Variants in VAV3 observed in about 807,000 individuals in gnomAD.
VAV3 encodes the protein vav guanine nucleotide exchange factor 3, also known as guanine nucleotide exchange factor VAV3.
In VAV3, 94 loss-of-function variants were observed where a neutral mutation model predicts 131.2. The ratio of observed to expected loss-of-function variants is 0.72; its 90% CI spans 0.61 to 0.85. The LOEUF is 0.85. Among genes scored for constraint, VAV3 ranks in the 40% least tolerant of loss-of-function variants. The probability of loss-of-function intolerance (pLI) is 0.00; values close to 1 mark genes in which losing one functional copy is unlikely to be tolerated. For synonymous variants in VAV3, 349 were observed against 342.0 expected (o/e 1.02, Z -0.22); for missense variants, 939 against 1,002.7 (o/e 0.94, Z 0.86).
At chr1:107,752,723 G>A (rs1004516469) in intron 12 of VAV3, among the ~76,000 whole-genome samples, 2 of 152,130 alleles carry the variant, frequency 1.3e-5, no homozygotes, top group Admixed American at 1.3e-4. Context: ...TAGTCATTAA[G>A]AAAATGCAAA....
intron 2 of VAV3, among the ~76,000 whole-genome samples, chr1:107,860,588 C>T (rs1557887079): frequency 6.6e-6 from 1 of 151,678 alleles, no homozygotes; most frequent in Non-Finnish European, 1.5e-5. Context: ...CTTTAAATGG[C>T]TTCTATTCTC....
At chr1:107,608,213 A>G (rs934816895) in intron 22 of VAV3, among the ~76,000 whole-genome samples, 1 of 152,174 alleles carries the variant, frequency 6.6e-6, no homozygotes, top group African/African-American at 2.4e-5. Context: ...TTTTAAAACT[A>G]AGGGTACAAA....
intron 12 of VAV3, among the ~76,000 whole-genome samples, chr1:107,752,683 C>T (rs566048885): frequency 2.6e-5 from 4 of 152,192 alleles, no homozygotes; most frequent in African/African-American, 9.6e-5. Flanking sequence ...AAATGGCCAG[C>T]AAACACACAA....
intron 1 of VAV3, among the ~76,000 whole-genome samples, chr1:107,959,573 T>C (rs1674981233): frequency 6.6e-6 from 1 of 152,184 alleles, no homozygotes; most frequent in Non-Finnish European, 1.5e-5. Context: ...GTTTCCCTCC[T>C]ACCTCATGGC....
chr1:107,752,390 T>C (rs1663791889), intron 12 of VAV3, among the ~76,000 whole-genome samples: 1 of 152,218 alleles, frequency 6.6e-6, no homozygotes. Flanking sequence ...ATAAAACTTT[T>C]ACAAGAAAAT....
chr1:107,807,359 G>A (rs1220005069), intron 2 of VAV3, among the ~76,000 whole-genome samples: 2 of 152,120 alleles, frequency 1.3e-5, no homozygotes, highest in African/African-American at 4.8e-5. Context: ...CCCTTATATA[G>A]TAGAAAATGT....
chr1:107,900,377 T>A (rs909455158), intron 1 of VAV3, among the ~76,000 whole-genome samples: 2 of 152,214 alleles, frequency 1.3e-5, no homozygotes, highest in Non-Finnish European at 2.9e-5. Context: ...TTTTGGAAAA[T>A]GTGCTAATAA....
chr1:107,854,044 C>T (rs905253274), intron 2 of VAV3, among the ~76,000 whole-genome samples: 2 of 152,072 alleles, frequency 1.3e-5, no homozygotes, highest in Non-Finnish European at 2.9e-5. Context: ...CATGGCAGCT[C>T]ACGCCTGTAA....
intron 1 of VAV3, among the ~76,000 whole-genome samples, chr1:107,936,997 G>A (rs1040833615): frequency 6.6e-6 from 1 of 151,970 alleles, no homozygotes; most frequent in Admixed American, 6.6e-5. Context: ...GAAATGGGAG[G>A]GCCAATGTGA....
At chr1:107,746,328 T>C (rs1247952947) in intron 15 of VAV3, among the ~76,000 whole-genome samples, 2 of 152,142 alleles carry the variant, frequency 1.3e-5, no homozygotes, top group Non-Finnish European at 2.9e-5. Context: ...CTCTGAGCAA[T>C]TCTCCAAAAA....
intron 2 of VAV3, among the ~76,000 whole-genome samples, chr1:107,798,815 T>C (rs1206413729): frequency 2.0e-5 from 3 of 151,974 alleles, no homozygotes; most frequent in African/African-American, 4.8e-5. Context: ...ATTGCGCTTT[T>C]CTATTGATTT....
At chr1:107,731,639 A>G (rs538718216) in intron 15 of VAV3, among the ~76,000 whole-genome samples, 24 of 152,326 alleles carry the variant, frequency 1.6e-4, no homozygotes, top group African/African-American at 5.5e-4. Context: ...TCTTCATTAT[A>G]AGGAAGAATC....
intron 19 of VAV3, among the ~76,000 whole-genome samples, chr1:107,679,640 C>A (rs147033067): frequency 9.5e-4 from 144 of 152,292 alleles, no homozygotes; most frequent in African/African-American, 3.3e-3. Context: ...AATCTTGTAT[C>A]TCCTACACTG....
chr1:107,760,939 GC>G (rs1350124292), intron 9 of VAV3, 60 bp from the exon 10 acceptor site: 1 of 1,180,336 alleles, frequency 8.5e-7, no homozygotes, highest in Non-Finnish European at 1.2e-6. Flanking sequence ...AGATGCAAAG[GC>G]CCTAGGCAGA....
chr1:107,910,813 C>G (rs942910589), intron 1 of VAV3, among the ~76,000 whole-genome samples: 1 of 152,084 alleles, frequency 6.6e-6, no homozygotes, highest in Admixed American at 6.6e-5. Context: ...AACCCCATCT[C>G]TACTAAAAAT....
At chr1:107,884,203 A>G (rs1004974002) in intron 1 of VAV3, among the ~76,000 whole-genome samples, 19 of 151,808 alleles carry the variant, frequency 1.3e-4, no homozygotes, top group Non-Finnish European at 2.6e-4. Flanking sequence ...GACTATAGTC[A>G]ATAATAATTT....
chr1:107,713,893 G>A (rs369682730), intron 15 of VAV3, among the ~76,000 whole-genome samples: 29 of 151,984 alleles, frequency 1.9e-4, no homozygotes, highest in Admixed American at 3.3e-4. Flanking sequence ...CAGACATCAC[G>A]TTTTGGCTAG....
rs113866726 is a variant in VAV3 at position 107,843,524 on chromosome 1, C to CGTGT, written c.321+31373_321+31376dup. On this transcript the variant is annotated intron_variant, in intron 2 of 26. Coordinates refer to ENST00000370056, the MANE Select transcript of VAV3 (RefSeq NM_006113.5). ...TGTTGAGATTAAAAATGTATGTGTG[C>CGTGT]GTGTGTGTGTGTGTATATATATATA... Among the ~76,000 whole-genome samples the CGTGT allele has an allele frequency of 8.6e-3, 1,263 of 146,098 alleles. 17 individuals are homozygous for CGTGT. Among genetic ancestry groups the CGTGT allele is most frequent in the African/African-American group, 0.019 (769 of 39,880 alleles).
chr1:107,687,637 A>C, intron 18 of VAV3, among the ~76,000 whole-genome samples: 1 of 152,158 alleles, frequency 6.6e-6, no homozygotes, highest in East Asian at 1.9e-4. Context: ...GAACCATTAA[A>C]ATCTTTTCTG....
Sources: allele counts gnomAD v4.1 joint callset (sites outside exome capture counted in the v4.1 genomes callset), GRCh38; gene constraint gnomAD v4.1.1; transcripts MANE v1.5; gene names NCBI Gene and HGNC (gene_info 2026-07-23, HGNC 2026-07-21).